NPB: variants seen among roughly 807,000 people sequenced by gnomAD.
The protein encoded by NPB is prepro-NPB.
In NPB, 8 loss-of-function variants were observed where a neutral mutation model predicts 6.7. The ratio of observed to expected loss-of-function variants is 1.20; its 90% confidence interval spans 0.71 to 2.17. NPB has a LOEUF of 2.17. NPB is among the 30% of genes most tolerant of loss of function. The probability of loss-of-function intolerance (pLI) is 0.00; values close to 1 mark genes in which losing one functional copy is unlikely to be tolerated. For missense variants in NPB, 199 were observed against 190.2 expected (o/e 1.05, Z -0.27); for synonymous variants, 118 against 103.4 (o/e 1.14, Z -0.86).
In NPB at chr17:81,902,474, G is replaced by T. The variant is rs1032096921; in HGVS notation, c.197G>T (p.Gly66Val). 4.3e-6 allele frequency: 6 copies of T among 1,391,942 alleles called. No individual in the cohort carries two copies. The highest frequency in any genetic ancestry group is 4.6e-6 in the Non-Finnish European group (5 of 1,081,960). The allele number at this position is 1,391,942 out of a possible 1,614,324, so 86.2% of individuals were successfully genotyped here. A position where few individuals can be genotyped will look rare whatever the true frequency, so the allele number is the denominator to read the frequency against. Residue 66 changes from glycine to valine, a missense_variant, in exon 1 of 2, where the codon GGC (glycine) becomes GTC (valine). Coordinates refer to ENST00000333383, the MANE Select transcript of NPB (RefSeq NM_148896.5). ...CCCTACAGAGGGGCGGAACCCCCGG[G>T]CGGGGCCGGCGCCTCCCCGGAGCTG... The part of the protein sequence containing the change: ...SQPYRGAEPP[G>V]GAGASPELQL...
chr17:81,902,724 C>G lies in NPB; in HGVS notation c.354C>G (p.Arg118=), dbSNP rs748977884. 54 of 1,608,046 alleles carry G rather than the reference C, an allele frequency of 3.4e-5. No homozygotes were observed. Among genetic ancestry groups the G allele is most frequent in the Non-Finnish European group, 4.4e-5 (52 of 1,178,422 alleles). Residue 118 remains arginine (R), a synonymous_variant, in exon 2 of 2, where the codon CGC becomes CGG. Coordinates refer to ENST00000333383, the MANE Select transcript of NPB (RefSeq NM_148896.5). The part of the protein sequence containing the change: ...QCKANVFLSL[R]AADCLAA The stretch of plus-strand genomic sequence containing the variant: ...AGGCGAACGTCTTCCTGTCCCTGCG[C>G]GCAGCCGACTGCCTCGCCGCCTGAG...
intron 1 of NPB, 23 bp downstream of exon 1, chr17:81,902,549 T>C: frequency 6.7e-7 from 1 of 1,487,584 alleles, no homozygotes; most frequent in East Asian, 2.8e-5. Flanking sequence ...TGCCGGGGAC[T>C]GATGGGGGGC....
rs2039990984 is a variant in NPB, at chr17:81,902,472, G to C, written c.195G>C (p.Pro65=). ...RSQPYRGAEP[P]GGAGASPELQ... is the part of the protein sequence containing the mutation. ...AGCCCTACAGAGGGGCGGAACCCCC[G>C]GGCGGGGCCGGCGCCTCCCCGGAGC... Residue 65 remains proline, a synonymous_variant, in exon 1 of 2, where the codon CCG becomes CCC. Coordinates refer to ENST00000333383, the MANE Select transcript of NPB (RefSeq NM_148896.5). 1.4e-6 allele frequency: 2 copies of C among 1,390,920 alleles called. No individual in the cohort carries two copies. The highest frequency in any genetic ancestry group is 1.6e-5 in the South Asian group (1 of 61,442). 86.2% of individuals were successfully genotyped at this position (1,390,920 alleles called of 1,614,324 possible). A position where few individuals can be genotyped will look rare whatever the true frequency, so the allele number is the denominator to read the frequency against.
Position 81,902,346 on chromosome 17 carries a change from C to G in NPB, c.69C>G (p.Leu23=), listed in dbSNP as rs1289144404. 11 of 1,341,490 alleles carry G rather than the reference C, an allele frequency of 8.2e-6. No individual in the cohort carries two copies. In the African/African-American group the frequency reaches 1.1e-4, roughly 13 times the overall value. The allele number at this position is 1,341,490 out of a possible 1,614,324, so 83.1% of individuals were successfully genotyped here. A position where few individuals can be genotyped will look rare whatever the true frequency, so the allele number is the denominator to read the frequency against. Residue 23 remains leucine, a synonymous_variant, in exon 1 of 2, where the codon CTC becomes CTG. Transcript: ENST00000333383. ...GCCTGCTGCTGGCGCCGCCTGGCCT[C>G]GCGTGGTACAAGCCAGCGGCGGGGC... is the stretch of plus-strand genomic sequence containing the variant. ...ALCLLLAPPG[L]AWYKPAAGHS...
In NPB at chr17:81,902,837, C is replaced by T. The variant is rs2040016355; in HGVS notation, c.*89C>T. The T allele has an allele frequency of 1.0e-5, 12 of 1,187,732 alleles. No homozygotes were observed. Among genetic ancestry groups the T allele is most frequent in the Non-Finnish European group, 1.4e-5 (12 of 860,736 alleles). The allele number at this position is 1,187,732 out of a possible 1,614,324, so 73.6% of individuals were successfully genotyped here. A position where few individuals can be genotyped will look rare whatever the true frequency, so the allele number is the denominator to read the frequency against. ...GGCCCCTCCGGCGCGGGATGGCGCC[C>T]CAGGTCTCCCCTACTCCGCTCACCC... On this transcript the variant is annotated 3_prime_UTR_variant, in exon 2 of 2. Coordinates refer to ENST00000333383, the MANE Select transcript of NPB (RefSeq NM_148896.5).
In NPB at chr17:81,902,666, G is replaced by T. The variant is rs200237562; in HGVS notation, c.296G>T (p.Arg99Leu). ...GCCCCAAACCTGCAGAGGTGCGAGC[G>T]GCTCCCCGACGGCCGCGGGACCTAC... ...DVAPNLQRCERLPDGRGTYQC... is the reference protein window; with the variant it reads ...DVAPNLQRCELLPDGRGTYQC... The change falls in exon 2 of 2, where the codon CGG (arginine) becomes CTG (leucine). Residue 99 changes from arginine to leucine, a missense_variant. Coordinates refer to ENST00000333383, the MANE Select transcript of NPB (RefSeq NM_148896.5). 9.3e-6 allele frequency: 15 copies of T among 1,607,408 alleles called. No homozygotes were observed. In the East Asian group the frequency reaches 1.8e-4, roughly 19 times the overall value.
Position 81,902,508 on chromosome 17 carries a change from C to G in NPB, c.231C>G (p.His77Gln). Residue 77 changes from histidine (H) to glutamine (Q), a missense_variant, in exon 1 of 2, where the codon CAC becomes CAG. His to Gln is a conservative substitution (Grantham distance 24, BLOSUM62 0). Coordinates refer to ENST00000333383, the MANE Select transcript of NPB (RefSeq NM_148896.5). The stretch of plus-strand genomic sequence containing the variant: ...GCGCCTCCCCGGAGCTGCAACTGCA[C>G]CCCAGGCTGCGGAGCCTCGTGAGTC... Reference protein sequence around the residue: ...GAGASPELQLHPRLRSLAVCV... With the variant: ...GAGASPELQLQPRLRSLAVCV... The G allele has an allele frequency of 6.9e-7, 1 of 1,440,066 alleles. No individual in the cohort carries two copies. Among genetic ancestry groups the G allele is most frequent in the Non-Finnish European group, 9.1e-7 (1 of 1,103,466 alleles). The allele number at this position is 1,440,066 out of a possible 1,614,324, so 89.2% of individuals were successfully genotyped here.
Position 81,902,532 on chromosome 17 carries a change from T to C in NPB, c.249+6T>C. The C allele has an allele frequency of 6.8e-7, 1 of 1,461,254 alleles. No homozygotes were observed. Among genetic ancestry groups the C allele is most frequent in the Non-Finnish European group, 9.0e-7 (1 of 1,113,726 alleles). 90.5% of individuals were successfully genotyped at this position (1,461,254 alleles called of 1,614,324 possible). Reference sequence around the variant, plus strand: ...ACCCCAGGCTGCGGAGCCTCGTGAGTCCGGCGTGCCGGGGACTGATGGGGG... The same window carrying C: ...ACCCCAGGCTGCGGAGCCTCGTGAGCCCGGCGTGCCGGGGACTGATGGGGG... On this transcript the variant is annotated splice_donor_region_variant and intron_variant, in intron 1 of 1. Transcript: ENST00000333383.
In NPB at chr17:81,902,497, C is replaced by A. The variant is rs1341445669; in HGVS notation, c.220C>A (p.Leu74Met). The change falls in exon 1 of 2, where the codon CTG becomes ATG. Residue 74 changes from leucine (L) to methionine (M), a missense_variant. Transcript: ENST00000333383. The part of the protein sequence containing the change: ...PPGGAGASPE[L>M]QLHPRLRSLA... The stretch of plus-strand genomic sequence containing the variant: ...GGGCGGGGCCGGCGCCTCCCCGGAG[C>A]TGCAACTGCACCCCAGGCTGCGGAG... 7.1e-7 allele frequency: 1 copy of A among 1,417,950 alleles called. No homozygotes were observed. 87.8% of individuals were successfully genotyped at this position (1,417,950 alleles called of 1,614,324 possible).
In NPB at chr17:81,902,428, C is replaced by T. The variant is rs901456655; in HGVS notation, c.151C>T (p.Pro51Ser). 1.5e-6 allele frequency: 2 copies of T among 1,352,986 alleles called. No homozygotes were observed. The highest frequency in any genetic ancestry group is 1.9e-6 in the Non-Finnish European group (2 of 1,060,224). The allele number at this position is 1,352,986 out of a possible 1,614,324, so 83.8% of individuals were successfully genotyped here. ...AGLLSGLRRS[P>S]YARRSQPYRG... ...GCTGCTGTCCGGCCTCCGCAGGTCCCCGTACGCGCGGCGCTCCCAGCCCTA... is the reference window on the plus strand; with the variant it reads ...GCTGCTGTCCGGCCTCCGCAGGTCCTCGTACGCGCGGCGCTCCCAGCCCTA... Residue 51 changes from proline to serine, a missense_variant, in exon 1 of 2, where the codon CCG becomes TCG. By Grantham distance (74) the Pro-to-Ser change is moderately conservative. Transcript: ENST00000333383.
chr17:81,902,337 G>T lies in NPB; in HGVS notation c.60G>T (p.Pro20=). ...TGGCGCTGTGCCTGCTGCTGGCGCC[G>T]CCTGGCCTCGCGTGGTACAAGCCAG... is the stretch of plus-strand genomic sequence containing the variant. ...AALALCLLLA[P]PGLAWYKPAA... Residue 20 remains proline, a synonymous_variant, in exon 1 of 2, where the codon CCG becomes CCT. Coordinates refer to ENST00000333383, the MANE Select transcript of NPB (RefSeq NM_148896.5). The T allele has an allele frequency of 7.5e-7, 1 of 1,339,844 alleles. No homozygotes were observed. The highest frequency in any genetic ancestry group is 9.5e-7 in the Non-Finnish European group (1 of 1,052,864). 83.0% of individuals were successfully genotyped at this position (1,339,844 alleles called of 1,614,324 possible).
In NPB at chr17:81,902,781, C is replaced by G; in HGVS notation, c.*33C>G. The G allele has an allele frequency of 1.9e-6, 3 of 1,571,458 alleles. No homozygotes were observed. Among genetic ancestry groups the G allele is most frequent in the Middle Eastern group, 1.7e-4 (1 of 5,822 alleles). ...CCTCTCCTGGCACCGCTGGGGGCCCCCCGCCCCCACCGTCCCACTCGGTGA... is the reference window on the plus strand; with the variant it reads ...CCTCTCCTGGCACCGCTGGGGGCCCGCCGCCCCCACCGTCCCACTCGGTGA... On this transcript the variant is annotated 3_prime_UTR_variant, in exon 2 of 2. Coordinates refer to ENST00000333383, the MANE Select transcript of NPB (RefSeq NM_148896.5).
At position 81,902,341 on chromosome 17, in the gene NPB, G is replaced by T; in HGVS notation, c.64G>T (p.Gly22Cys). The part of the protein sequence containing the change: ...LALCLLLAPP[G>C]LAWYKPAAGH... ...GCTGTGCCTGCTGCTGGCGCCGCCTGGCCTCGCGTGGTACAAGCCAGCGGC... is the reference window on the plus strand; with the variant it reads ...GCTGTGCCTGCTGCTGGCGCCGCCTTGCCTCGCGTGGTACAAGCCAGCGGC... The change falls in exon 1 of 2, where the codon GGC (glycine) becomes TGC (cysteine). Residue 22 changes from glycine to cysteine, a missense_variant. Gly to Cys is a radical substitution (Grantham distance 159). Coordinates refer to ENST00000333383, the MANE Select transcript of NPB (RefSeq NM_148896.5). The T allele has an allele frequency of 7.5e-7, 1 of 1,340,084 alleles. No individual in the cohort carries two copies. The highest frequency in any genetic ancestry group is 9.5e-7 in the Non-Finnish European group (1 of 1,054,102). 83.0% of individuals were successfully genotyped at this position (1,340,084 alleles called of 1,614,324 possible). A position where few individuals can be genotyped will look rare whatever the true frequency, so the allele number is the denominator to read the frequency against.
At position 81,902,537 on chromosome 17, in the gene NPB, CGTGCCGGG is replaced by C. The variant is rs763644299; in HGVS notation, c.249+13_249+20del. 9 of 1,464,738 alleles carry C rather than the reference CGTGCCGGG, an allele frequency of 6.1e-6. 1 individual carries two copies. The South Asian group carries it at 1.0e-4, about 17-fold the overall frequency. The allele number at this position is 1,464,738 out of a possible 1,614,324, so 90.7% of individuals were successfully genotyped here. A position where few individuals can be genotyped will look rare whatever the true frequency, so the allele number is the denominator to read the frequency against. On this transcript the variant is annotated intron_variant, in intron 1 of 1. Transcript: ENST00000333383. Reference sequence around the variant, plus strand: ...AGGCTGCGGAGCCTCGTGAGTCCGGCGTGCCGGGGACTGATGGGGGGCGGCGGCAGGAC... The same window carrying C: ...AGGCTGCGGAGCCTCGTGAGTCCGGCGACTGATGGGGGGCGGCGGCAGGAC...
Position 81,902,429 on chromosome 17 carries a change from C to G in NPB, c.152C>G (p.Pro51Arg). The G allele has an allele frequency of 7.4e-7, 1 of 1,353,200 alleles. No homozygotes were observed. The highest frequency in any genetic ancestry group is 9.4e-7 in the Non-Finnish European group (1 of 1,060,394). 83.8% of individuals were successfully genotyped at this position (1,353,200 alleles called of 1,614,324 possible). Residue 51 changes from proline to arginine, a missense_variant, in exon 1 of 2, where the codon CCG (proline) becomes CGG (arginine). By Grantham distance (103) the Pro-to-Arg change is moderately radical (BLOSUM62 -2). Transcript: ENST00000333383. ...AGLLSGLRRS[P>R]YARRSQPYRG... is the part of the protein sequence containing the mutation. ...CTGCTGTCCGGCCTCCGCAGGTCCC[C>G]GTACGCGCGGCGCTCCCAGCCCTAC...
rs931307670 is a variant in NPB at position 81,902,526 on chromosome 17, C to T, written c.249C>T (p.Leu83=). The change falls in exon 1 of 2, where the codon CTC becomes CTT. Residue 83 remains leucine, a splice_region_variant and synonymous_variant. Transcript: ENST00000333383. ...AACTGCACCCCAGGCTGCGGAGCCTCGTGAGTCCGGCGTGCCGGGGACTGA... is the reference window on the plus strand; with the variant it reads ...AACTGCACCCCAGGCTGCGGAGCCTTGTGAGTCCGGCGTGCCGGGGACTGA... The part of the protein sequence containing the change: ...ELQLHPRLRS[L]AVCVQDVAPN... 2.1e-6 allele frequency: 3 copies of T among 1,457,830 alleles called. No individual in the cohort carries two copies. Among genetic ancestry groups the T allele is most frequent in the Middle Eastern group, 1.9e-4 (1 of 5,238 alleles). 90.3% of individuals were successfully genotyped at this position (1,457,830 alleles called of 1,614,324 possible).
At chr17:81,902,562 C>T (rs558554720) in intron 1 of NPB, 36 bp downstream of exon 1, 5 of 1,497,260 alleles carry the variant, frequency 3.3e-6, no homozygotes, top group Non-Finnish European at 4.4e-6. Flanking sequence ...TGGGGGGCGG[C>T]GGCAGGACGT....
chr17:81,902,629 G>C lies in NPB; in HGVS notation c.259G>C (p.Val87Leu). ...CTTGCCTGCCCCCCAGGCTGTGTGC[G>C]TCCAGGACGTCGCCCCAAACCTGCA... ...HPRLRSLAVCVQDVAPNLQRC... is the reference protein window; with the variant it reads ...HPRLRSLAVCLQDVAPNLQRC... Residue 87 changes from valine to leucine, a missense_variant, in exon 2 of 2, where the codon GTC becomes CTC. Coordinates refer to ENST00000333383, the MANE Select transcript of NPB (RefSeq NM_148896.5). 6.3e-7 allele frequency: 1 copy of C among 1,595,536 alleles called. No homozygotes were observed. Among genetic ancestry groups the C allele is most frequent in the Non-Finnish European group, 8.5e-7 (1 of 1,174,038 alleles).
rs1222750596 is a variant in NPB at position 81,902,344 on chromosome 17, C to G, written c.67C>G (p.Leu23Val). Residue 23 changes from leucine to valine, a missense_variant, in exon 1 of 2, where the codon CTC becomes GTC. Leu to Val is a conservative substitution (Grantham distance 32). Transcript: ENST00000333383. ...ALCLLLAPPG[L>V]AWYKPAAGHS... ...GTGCCTGCTGCTGGCGCCGCCTGGC[C>G]TCGCGTGGTACAAGCCAGCGGCGGG... 7.5e-7 allele frequency: 1 copy of G among 1,341,226 alleles called. No individual in the cohort carries two copies. The highest frequency in any genetic ancestry group is 9.5e-7 in the Non-Finnish European group (1 of 1,054,944). The allele number at this position is 1,341,226 out of a possible 1,614,324, so 83.1% of individuals were successfully genotyped here.
Sources: allele counts gnomAD v4.1 joint callset, GRCh38; gene constraint gnomAD v4.1.1; transcripts MANE v1.5; gene names NCBI Gene and HGNC (gene_info 2026-07-23, HGNC 2026-07-21).